Variants in SVOP observed in about 807,000 individuals in gnomAD.
SVOP encodes the protein SV2 related protein.
SVOP carries 17 observed loss-of-function variants against 69.1 expected under a neutral mutation model. That is an observed-to-expected ratio of 0.25 (90% CI 0.17 to 0.37). The LOEUF is 0.37. SVOP is among the 10% of genes least tolerant of loss of function. The pLI is 1.00. For missense variants in SVOP, 435 were observed against 597.5 expected (o/e 0.73, Z 2.84); for synonymous variants, 238 against 238.6 (o/e 1.00, Z 0.02).
chr12:108,985,032 G>A (rs1277196548), intron 1 of SVOP, among the ~76,000 whole-genome samples: 1 of 151,870 alleles, frequency 6.6e-6, no homozygotes, highest in Non-Finnish European at 1.5e-5. Context: ...TTCAAGACCA[G>A]CCTGGGCAAC....
At chr12:108,943,773 T>G (rs1462133810) in intron 7 of SVOP, among the ~76,000 whole-genome samples, 2 of 152,060 alleles carry the variant, frequency 1.3e-5, no homozygotes, top group East Asian at 3.9e-4. Flanking sequence ...ATACATTTCC[T>G]TTTCTTCTTC....
chr12:109,013,652 A>G (rs1401370198), intron 1 of SVOP, among the ~76,000 whole-genome samples: 4 of 152,090 alleles, frequency 2.6e-5, no homozygotes, highest in Non-Finnish European at 4.4e-5. Flanking sequence ...AGCCTCCCAA[A>G]GTGCTGGGAT....
At chr12:109,016,997 A>C (rs1220555752) in intron 1 of SVOP, among the ~76,000 whole-genome samples, 1 of 152,084 alleles carries the variant, frequency 6.6e-6, no homozygotes, top group African/African-American at 2.4e-5. Context: ...GACAATTCTC[A>C]TAATTATTTG....
chr12:108,970,616 G>A (rs1244979503), intron 5 of SVOP, among the ~76,000 whole-genome samples: 3 of 152,040 alleles, frequency 2.0e-5, no homozygotes, highest in African/African-American at 4.8e-5. Context: ...TAAGCCAATC[G>A]TTTTCAAAGT....
At chr12:108,916,836 C>T (rs748075696) in intron 14 of SVOP, among the ~76,000 whole-genome samples, 40 of 152,288 alleles carry the variant, frequency 2.6e-4, no homozygotes, top group African/African-American at 7.9e-4. Flanking sequence ...TCGACCTCCC[C>T]GGGTTCAAGT....
chr12:108,931,419 T>C (rs2039817743), intron 11 of SVOP, among the ~76,000 whole-genome samples: 1 of 152,222 alleles, frequency 6.6e-6, no homozygotes, highest in Non-Finnish European at 1.5e-5. Context: ...TTGTTTCTTT[T>C]TGTCCAGAGG....
At chr12:108,938,606 A>C (rs2039870220) in intron 9 of SVOP, among the ~76,000 whole-genome samples, 2 of 152,200 alleles carry the variant, frequency 1.3e-5, no homozygotes, top group African/African-American at 2.4e-5. Flanking sequence ...TCCAGGAAGC[A>C]TTTTTAGAAC....
intron 5 of SVOP, among the ~76,000 whole-genome samples, chr12:108,970,016 C>T (rs2040069396): frequency 6.6e-6 from 1 of 152,216 alleles, no homozygotes; most frequent in Admixed American, 6.5e-5. Flanking sequence ...AGTTTCCAGC[C>T]TGCTGCCTCT....
At chr12:108,921,232 C>T (rs2039746266) in intron 12 of SVOP, among the ~76,000 whole-genome samples, 1 of 152,136 alleles carries the variant, frequency 6.6e-6, no homozygotes, top group African/African-American at 2.4e-5. Context: ...TTCTTACCTA[C>T]TAAGCTGTGT....
intron 11 of SVOP, among the ~76,000 whole-genome samples, chr12:108,928,222 A>AC (rs2039793985): frequency 6.7e-6 from 1 of 149,194 alleles, no homozygotes; most frequent in African/African-American, 2.5e-5. Context: ...CACCCCCCTG[A>AC]CCCCCACCAT....
intron 11 of SVOP, chr12:108,926,494 T>G (rs2039780945): frequency 6.6e-6 from 1 of 152,198 alleles, no homozygotes; most frequent in Non-Finnish European, 1.5e-5. Context: ...CATGCTAATT[T>G]TCTCTGTATT....
At chr12:108,942,574 C>T (rs1276216669) in intron 7 of SVOP, among the ~76,000 whole-genome samples, 1 of 152,226 alleles carries the variant, frequency 6.6e-6, no homozygotes. Flanking sequence ...GAAGCACTTA[C>T]TCCCCTGGCT....
At chr12:109,002,745 G>A (rs2040279984) in intron 1 of SVOP, among the ~76,000 whole-genome samples, 1 of 147,760 alleles carries the variant, frequency 6.8e-6, no homozygotes, top group East Asian at 2.0e-4. Flanking sequence ...ACTCATAGGT[G>A]GGAATTGAAC....
chr12:108,918,103 G>T lies in SVOP; in HGVS notation c.1290C>A (p.Leu430=). ...CAGAAATAAACGCTCTTGCAATGAAGAGTAACAGAGTGAGCACATTTCTAG... is the reference window on the plus strand; with the variant it reads ...CAGAAATAAACGCTCTTGCAATGAATAGTAACAGAGTGAGCACATTTCTAG... ...CVGRNVLTLL[L]FIARAFISGG... is the part of the protein sequence containing the mutation. The change falls in exon 14 of 16, where the codon CTC becomes CTA. Residue 430 remains leucine, a synonymous_variant. Transcript: ENST00000610966. 1 of 1,573,886 alleles carries T rather than the reference G, an allele frequency of 6.4e-7. No individual in the cohort carries two copies. Among genetic ancestry groups the T allele is most frequent in the South Asian group, 1.2e-5 (1 of 85,046 alleles).
At chr12:108,972,786 A>G (rs956028005) in intron 4 of SVOP, among the ~76,000 whole-genome samples, 1 of 152,254 alleles carries the variant, frequency 6.6e-6, no homozygotes, top group African/African-American at 2.4e-5. Context: ...TTCTGGCTCC[A>G]GAACTAGCTT....
intron 4 of SVOP, among the ~76,000 whole-genome samples, chr12:108,973,775 A>G (rs140327048): frequency 0.67 from 101,682 of 151,762 alleles, 34,556 homozygotes; most frequent in East Asian, 0.79. Context: ...ACGAGTTAGG[A>G]GTCTTCTTCT....
At position 108,925,373 on chromosome 12, in the gene SVOP, C is replaced by T. The variant is rs143706165; in HGVS notation, c.1049-2576G>A. 2.2e-3 allele frequency among the ~76,000 whole-genome samples: 339 copies of T among 152,300 alleles called. 2 individuals carry two copies. The highest frequency in any genetic ancestry group is 7.9e-3 in the African/African-American group (329 of 41,566). On this transcript the variant is annotated intron_variant, in intron 11 of 15. Transcript: ENST00000610966. ...CTGCCGCCATCTTGGTCTGAGCCAT[C>T]GTCAACCATCCTCTCTCATCTGGAT...
intron 1 of SVOP, among the ~76,000 whole-genome samples, chr12:109,017,243 C>T (rs766876991): frequency 6.6e-6 from 1 of 152,078 alleles, no homozygotes; most frequent in Non-Finnish European, 1.5e-5. Flanking sequence ...GGAGCGTGAA[C>T]CCTATTGTGA....
chr12:109,019,069 A>G (rs2040382933), intron 1 of SVOP, among the ~76,000 whole-genome samples: 1 of 152,192 alleles, frequency 6.6e-6, no homozygotes, highest in Non-Finnish European at 1.5e-5. Flanking sequence ...ATTTGGCCTA[A>G]TAGATAATAT....
Sources: allele counts gnomAD v4.1 joint callset (sites outside exome capture counted in the v4.1 genomes callset), GRCh38; gene constraint gnomAD v4.1.1; transcripts MANE v1.5; gene names NCBI Gene and HGNC (gene_info 2026-07-23, HGNC 2026-07-21).